Variants in DDX20 observed in about 807,000 individuals in gnomAD.
DDX20 encodes probable ATP-dependent RNA helicase DDX20.
A neutral mutation model predicts 76.4 loss-of-function variants in DDX20; 61 were observed. The observed-to-expected ratio is 0.80, with a 90% CI of 0.65 to 0.99. The LOEUF (loss-of-function observed/expected upper bound fraction) is 0.99, where lower values mean the gene tolerates loss of function less well. Ranked by LOEUF, DDX20 falls within the 50% of genes least tolerant of loss-of-function variation. DDX20 has a pLI of 0.00. For missense variants in DDX20, 976 were observed against 996.8 expected, an observed-to-expected ratio of 0.98 and a Z score of 0.28; for synonymous variants, 357 against 357.4, an observed-to-expected ratio of 1.00 and a Z score of 0.01.
chr1:111,764,281 CA>C (rs150494967), intron 10 of DDX20, among the ~76,000 whole-genome samples: 69 of 127,282 alleles, frequency 5.4e-4, no homozygotes, highest in Admixed American at 6.6e-4. Context: ...GACTCAGTCT[CA>C]AAAAAAAAAA....
intron 1 of DDX20, 28 bp downstream of exon 1, chr1:111,756,253 GGGGGT>G: frequency 1.3e-5 from 18 of 1,377,184 alleles, no homozygotes; most frequent in African/African-American, 1.5e-5. Flanking sequence ...GGATAGGTCG[GGGGGT>G]GGGGTGGGAG....
rs1257035409 is a variant in DDX20 at position 111,759,526 on chromosome 1, A to G, written c.523A>G (p.Lys175Glu). 6.2e-7 allele frequency: 1 copy of G among 1,613,822 alleles called. No homozygotes were observed. Among genetic ancestry groups the G allele is most frequent in the East Asian group, 2.2e-5 (1 of 44,866 alleles). Residue 175 changes from lysine to glutamate, a missense_variant, in exon 3 of 11, where the codon AAA becomes GAA. Lys to Glu is a moderately conservative substitution (Grantham distance 56). Coordinates refer to ENST00000369702, the MANE Select transcript of DDX20 (RefSeq NM_007204.5). ...TGGAGGGACCCCATTATCACAAGACAAAACCAGACTTAAAAAGTGTCATAT... is the reference window on the plus strand; with the variant it reads ...TGGAGGGACCCCATTATCACAAGACGAAACCAGACTTAAAAAGTGTCATAT... ...FIGGTPLSQD[K>E]TRLKKCHIAV... is the part of the protein sequence containing the mutation.
chr1:111,767,641 T>G lies in DDX20; in HGVS notation c.*742T>G, dbSNP rs900343508. On this transcript the variant is annotated 3_prime_UTR_variant, in exon 11 of 11. Transcript: ENST00000369702. The stretch of plus-strand genomic sequence containing the variant: ...CTCTTAATCTTTTTTGGTTCTTGGA[T>G]CCTTTTATGAATCAGCTGATAGCTA... 6.6e-6 allele frequency: 1 copy of G among 152,188 alleles called. No homozygotes were observed. The highest frequency in any genetic ancestry group is 2.4e-5 in the African/African-American group (1 of 41,454). The allele number at this position is 152,188 out of a possible 1,614,324, so 9.4% of individuals were successfully genotyped here. A position where few individuals can be genotyped will look rare whatever the true frequency, so the allele number is the denominator to read the frequency against.
chr1:111,764,792 T>C (rs1370395158), intron 10 of DDX20, among the ~76,000 whole-genome samples: 4 of 152,196 alleles, frequency 2.6e-5, no homozygotes, highest in African/African-American at 9.7e-5. Flanking sequence ...AGGTCTGTAT[T>C]GGACTGGGAA....
At position 111,765,884 on chromosome 1, in the gene DDX20, A is replaced by C. The variant is rs1351209768; in HGVS notation, c.1460A>C (p.Lys487Thr). The C allele has an allele frequency of 6.2e-7, 1 of 1,614,188 alleles. No homozygotes were observed. Among genetic ancestry groups the C allele is most frequent in the Non-Finnish European group, 8.5e-7 (1 of 1,180,022 alleles). ...ATAGAGAGAACCCTTCAAATTCAGA[A>C]AGCTCATGGTGACCACATGGCTTCC... ...QKIERTLQIQ[K>T]AHGDHMASSR... Residue 487 changes from lysine to threonine, a missense_variant, in exon 11 of 11, where the codon AAA becomes ACA. Around this residue, in one of 3 missense-constraint regions of DDX20, gnomAD observed 630 missense variants for 693.7 expected, o/e 0.91. Coordinates refer to ENST00000369702, the MANE Select transcript of DDX20 (RefSeq NM_007204.5).
At position 111,761,222 on chromosome 1, in the gene DDX20, A is replaced by T. The variant is rs568698140; in HGVS notation, c.963-4A>T. The T allele has an allele frequency of 7.4e-6, 12 of 1,613,248 alleles. No homozygotes were observed. In the South Asian group the frequency reaches 1.3e-4, roughly 18 times the overall value. Reference sequence around the variant, plus strand: ...TTTGTAACCATTTATGTTATATTTCATAGAGCACAACATTTGGCTGATATC... The same window carrying T: ...TTTGTAACCATTTATGTTATATTTCTTAGAGCACAACATTTGGCTGATATC... On this transcript the variant is annotated splice_polypyrimidine_tract_variant and splice_region_variant and intron_variant, in intron 6 of 10. Coordinates refer to ENST00000369702, the MANE Select transcript of DDX20 (RefSeq NM_007204.5).
intron 2 of DDX20, among the ~76,000 whole-genome samples, chr1:111,758,243 T>C (rs1663604229): frequency 1.3e-5 from 2 of 152,294 alleles, no homozygotes; most frequent in South Asian, 4.1e-4. Flanking sequence ...TATTCATTTT[T>C]AGAAATAGGG....
At position 111,766,135 on chromosome 1, in the gene DDX20, T is replaced by G. The variant is rs1243067019; in HGVS notation, c.1711T>G (p.Ser571Ala). 1 of 1,614,100 alleles carries G rather than the reference T, an allele frequency of 6.2e-7. No homozygotes were observed. Among genetic ancestry groups the G allele is most frequent in the Non-Finnish European group, 8.5e-7 (1 of 1,180,036 alleles). Residue 571 changes from serine to alanine, a missense_variant, in exon 11 of 11, where the codon TCA becomes GCA. Physicochemically the swap from Ser to Ala is moderately conservative, Grantham distance 99. Coordinates refer to ENST00000369702, the MANE Select transcript of DDX20 (RefSeq NM_007204.5). ...CCAGGTCAAAGAAGCTTTACCTGTG[T>G]CACTCCCCCAGATTCCTTGTCTGTC... ...QHQVKEALPVSLPQIPCLSSF... is the reference protein window; with the variant it reads ...QHQVKEALPVALPQIPCLSSF...
At chr1:111,756,292 G>A in intron 1 of DDX20, 67 bp downstream of exon 1, 2 of 1,360,712 alleles carry the variant, frequency 1.5e-6, no homozygotes, top group Non-Finnish European at 1.9e-6. Flanking sequence ...GGGCGGCGGC[G>A]GCCAGGCCCG....
chr1:111,759,455 C>T lies in DDX20; in HGVS notation c.452C>T (p.Thr151Ile), dbSNP rs1178483157. ...EIAVQIHSVI[T>I]AIGIKMEGLE... ...GCTGTACAGATACATTCTGTTATTA[C>T]AGCCATTGGAATAAAAATGGAAGGC... The change falls in exon 3 of 11, where the codon ACA becomes ATA. Residue 151 changes from threonine to isoleucine, a missense_variant. Transcript: ENST00000369702. The T allele has an allele frequency of 1.2e-6, 2 of 1,613,622 alleles. No homozygotes were observed. The highest frequency in any genetic ancestry group is 1.1e-5 in the South Asian group (1 of 91,020).
At chr1:111,757,686 GC>G (rs1342011791) in intron 2 of DDX20, among the ~76,000 whole-genome samples, 1 of 152,200 alleles carries the variant, frequency 6.6e-6, no homozygotes, top group Non-Finnish European at 1.5e-5. Flanking sequence ...CACCTGGGAA[GC>G]TTTTTGAGTC....
At chr1:111,758,346 T>C (rs1245876305) in intron 2 of DDX20, among the ~76,000 whole-genome samples, 1 of 146,526 alleles carries the variant, frequency 6.8e-6, no homozygotes, top group Non-Finnish European at 1.5e-5. Flanking sequence ...GCATGTTTTC[T>C]CCTAGTCCTT....
chr1:111,766,320 A>G lies in DDX20; in HGVS notation c.1896A>G (p.Arg632=), dbSNP rs778602649. The change falls in exon 11 of 11, where the codon AGA becomes AGG. Residue 632 remains arginine, a synonymous_variant. Transcript: ENST00000369702. ...TGAATCCTCAAAATGGTTTTGTGAG[A>G]AATAAAGTTATTGAACAGAGAGTCC... is the stretch of plus-strand genomic sequence containing the variant. ...QTVNPQNGFV[R]NKVIEQRVPV... 6.2e-7 allele frequency: 1 copy of G among 1,614,150 alleles called. No homozygotes were observed. Among genetic ancestry groups the G allele is most frequent in the Non-Finnish European group, 8.5e-7 (1 of 1,180,028 alleles).
intron 8 of DDX20, 97 bp downstream of exon 8, chr1:111,762,434 T>C: frequency 1.0e-6 from 1 of 995,600 alleles, no homozygotes; most frequent in South Asian, 1.5e-5. Flanking sequence ...TAGGCGTATC[T>C]AACAAGAATA....
At position 111,762,992 on chromosome 1, in the gene DDX20, C is replaced by A; in HGVS notation, c.1297C>A (p.Leu433Ile). The A allele has an allele frequency of 6.2e-7, 1 of 1,611,930 alleles. No individual in the cohort carries two copies. Among genetic ancestry groups the A allele is most frequent in the Non-Finnish European group, 8.5e-7 (1 of 1,178,100 alleles). Reference protein sequence around the residue: ...MRIAQKCNINLLPLPDPIPSG... With the variant: ...MRIAQKCNINILPLPDPIPSG... ...AATTGCCCAGAAATGTAATATCAACCTTCTCCCTTTACCAGGTACATTTCA... is the reference window on the plus strand; with the variant it reads ...AATTGCCCAGAAATGTAATATCAACATTCTCCCTTTACCAGGTACATTTCA... Residue 433 changes from leucine (L) to isoleucine (I), a missense_variant, in exon 10 of 11, where the codon CTT becomes ATT. Physicochemically the swap from Leu to Ile is conservative, Grantham distance 5. This residue lies in a region of DDX20 where 630 missense variants were observed against 693.7 expected (regional missense o/e 0.91). Transcript: ENST00000369702.
At chr1:111,762,171 G>A (rs550693021) in intron 7 of DDX20, 84 bp from the exon 8 acceptor site, 8 of 1,056,670 alleles carry the variant, frequency 7.6e-6, no homozygotes, top group Admixed American at 4.1e-5. Context: ...AAGACTGGGT[G>A]TTATGCTTTT....
Position 111,759,437 on chromosome 1 carries a change from A to G in DDX20, c.434A>G (p.Gln145Arg). 6.2e-7 allele frequency: 1 copy of G among 1,612,930 alleles called. No individual in the cohort carries two copies. The highest frequency in any genetic ancestry group is 8.5e-7 in the Non-Finnish European group (1 of 1,179,612). Residue 145 changes from glutamine to arginine, a missense_variant, in exon 3 of 11, where the codon CAG becomes CGG. Gln to Arg is a conservative substitution (Grantham distance 43). Transcript: ENST00000369702. ...ILAPTREIAV[Q>R]IHSVITAIGI... ...GCTCCTACAAGAGAAATTGCTGTAC[A>G]GATACATTCTGTTATTACAGCCATT... is the stretch of plus-strand genomic sequence containing the variant.
chr1:111,760,820 A>G lies in DDX20; in HGVS notation c.795A>G (p.Arg265=), dbSNP rs780194319. ...ACATGAGAGATCCCACTTTTGTAAG[A>G]CTGAATTCCAGTGATCCAAGTCTCA... ...TKYMRDPTFV[R]LNSSDPSLIG... is the part of the protein sequence containing the mutation. The change falls in exon 5 of 11, where the codon AGA becomes AGG. Residue 265 remains arginine (R), a synonymous_variant. Transcript: ENST00000369702. The G allele has an allele frequency of 4.3e-6, 7 of 1,613,192 alleles. No homozygotes were observed. The highest frequency in any genetic ancestry group is 5.9e-6 in the Non-Finnish European group (7 of 1,179,756).
intron 10 of DDX20, among the ~76,000 whole-genome samples, chr1:111,764,281 C>CAA (rs150494967): frequency 7.8e-6 from 1 of 127,394 alleles, no homozygotes. Flanking sequence ...GACTCAGTCT[C>CAA]AAAAAAAAAA....
Sources: allele counts gnomAD v4.1 joint callset (sites outside exome capture counted in the v4.1 genomes callset), GRCh38; gene constraint gnomAD v4.1.1; regional missense constraint gnomAD v4.1.1; transcripts MANE v1.5; gene names NCBI Gene and HGNC (gene_info 2026-07-23, HGNC 2026-07-21).